Variants in RASA1 observed in about 807,000 individuals in gnomAD.
RASA1 encodes RAS p21 protein activator 1.
In RASA1, 25 loss-of-function variants were observed where a neutral mutation model predicts 132.2. That is an observed-to-expected ratio of 0.19 (90% CI 0.14 to 0.26). The LOEUF is 0.26. RASA1 is among the 10% of genes least tolerant of loss of function. The pLI, the probability that RASA1 is intolerant of heterozygous loss-of-function variation, is 1.00. For synonymous variants in RASA1, 477 were observed against 449.9 expected (o/e 1.06, Z -0.76); for missense variants, 964 against 1,299.2 (o/e 0.74, Z 3.97).
At chr5:87,358,413 G>A (rs1385140449) in intron 9 of RASA1, among the ~76,000 whole-genome samples, 2 of 152,202 alleles carry the variant, frequency 1.3e-5, no homozygotes, top group African/African-American at 2.4e-5. Flanking sequence ...ACTGAGAGCT[G>A]AGAGGTTAAT....
intron 10 of RASA1, 70 bp downstream of exon 10, chr5:87,362,741 TG>T (rs2112457917): frequency 6.6e-7 from 1 of 1,506,412 alleles, no homozygotes; most frequent in African/African-American, 1.4e-5. Context: ...GAACTTATTG[TG>T]ATATATATTT....
At position 87,268,394 on chromosome 5, in the gene RASA1, T is replaced by C; in HGVS notation, c.-58T>C. 6.8e-7 allele frequency: 1 copy of C among 1,466,880 alleles called. No individual in the cohort carries two copies. The highest frequency in any genetic ancestry group is 1.4e-5 in the South Asian group (1 of 70,772). The allele number at this position is 1,466,880 out of a possible 1,614,324, so 90.9% of individuals were successfully genotyped here. ...GGTGGGGCTGCTCGGAGCCCGGGCC[T>C]GGTGGCCCCTGGGGCTCCCGGGCGG... On this transcript the variant is annotated 5_prime_UTR_variant, in exon 1 of 25. Coordinates refer to ENST00000274376, the MANE Select transcript of RASA1 (RefSeq NM_002890.3).
At chr5:87,331,119 T>C (rs1432999211) in intron 1 of RASA1, 24 of 852,020 alleles carry the variant, frequency 2.8e-5, no homozygotes, top group Non-Finnish European at 4.1e-5. Context: ...GATTTATATA[T>C]GAGATGACTA....
At chr5:87,332,674 C>G (rs746241745) in intron 3 of RASA1, 32 bp downstream of exon 3, 2 of 1,581,430 alleles carry the variant, frequency 1.3e-6, no homozygotes, top group Non-Finnish European at 1.7e-6. Context: ...TCTTTCAAAA[C>G]TTTATTTTTT....
intron 21 of RASA1, among the ~76,000 whole-genome samples, chr5:87,384,540 T>G (rs2112511084): frequency 6.6e-6 from 1 of 152,286 alleles, no homozygotes; most frequent in South Asian, 2.1e-4. Flanking sequence ...TTATTGCTAC[T>G]AAAGTGGTTA....
intron 1 of RASA1, among the ~76,000 whole-genome samples, chr5:87,285,567 T>G (rs1296290417): frequency 7.9e-5 from 12 of 151,996 alleles, no homozygotes; most frequent in Admixed American, 7.9e-4. Context: ...CTTCTTAACT[T>G]TTTATTTAAA....
At chr5:87,336,532 TAGG>T (rs1207065866) in intron 4 of RASA1, among the ~76,000 whole-genome samples, 1 of 152,106 alleles carries the variant, frequency 6.6e-6, no homozygotes, top group Non-Finnish European at 1.5e-5. Flanking sequence ...TAGCCTGTTT[TAGG>T]GGGGATAACA....
intron 10 of RASA1, 66 bp downstream of exon 10, chr5:87,362,737 A>G (rs2112457882): frequency 1.3e-6 from 2 of 1,518,720 alleles, no homozygotes; most frequent in East Asian, 2.3e-5. Context: ...CTCCGAACTT[A>G]TTGTGATATA....
Position 87,318,043 on chromosome 5 carries a change from G to C in RASA1, c.540-13305G>C, listed in dbSNP as rs542712020. Among the ~76,000 whole-genome samples the C allele has an allele frequency of 3.4e-3, 514 of 152,076 alleles. 2 individuals carry two copies. The highest frequency in any genetic ancestry group is 4.8e-3 in the Admixed American group (74 of 15,260). On this transcript the variant is annotated intron_variant, in intron 1 of 24. Coordinates refer to ENST00000274376, the MANE Select transcript of RASA1 (RefSeq NM_002890.3). ...AGTTGTAATGAAACAGTTTTCTAAA[G>C]GATATTTAGAGTAATGGTACTACCA...
chr5:87,362,373 G>A lies in RASA1; in HGVS notation c.1333-178G>A, dbSNP rs189262645. The stretch of plus-strand genomic sequence containing the variant: ...GTGAACTTTGTTGTCGGTGTTCTTC[G>A]AAATTATAAGGAAGCATTTCTGAGA... On this transcript the variant is annotated intron_variant, in intron 9 of 24. Transcript: ENST00000274376. Among the ~76,000 whole-genome samples the A allele has an allele frequency of 3.8e-3, 581 of 152,242 alleles. 3 individuals carry two copies. Among genetic ancestry groups the A allele is most frequent in the Non-Finnish European group, 5.6e-3 (382 of 68,006 alleles).
Position 87,383,796 on chromosome 5 carries a change from T to C in RASA1, c.2758+16T>C. On this transcript the variant is annotated intron_variant, in intron 21 of 24. Transcript: ENST00000274376. ...ATCATCTCAGGTAATCAGCTTTTGA[T>C]ACATTTTGAAATTCAAAATATTAGA... The C allele has an allele frequency of 6.3e-7, 1 of 1,595,170 alleles. No individual in the cohort carries two copies. The highest frequency in any genetic ancestry group is 2.2e-5 in the East Asian group (1 of 44,688).
At chr5:87,304,939 C>CTTTTTTTTTTTTTTTTTTTTTTTTTTTT (rs756572506) in intron 1 of RASA1, among the ~76,000 whole-genome samples, 1 of 64,412 alleles carries the variant, frequency 1.6e-5, no homozygotes, top group Non-Finnish European at 3.3e-5. Context: ...TCTTTTAGTC[C>CTTTTTTTTTTTTTTTTTTTTTTTTTTTT]TTTTTTTTTT....
At chr5:87,363,923 T>C (rs1302232842) in intron 11 of RASA1, among the ~76,000 whole-genome samples, 2 of 152,112 alleles carry the variant, frequency 1.3e-5, no homozygotes, top group Non-Finnish European at 2.9e-5. Flanking sequence ...ATTGTCTTGA[T>C]AGGAAAAATG....
chr5:87,286,579 T>C (rs909428680), intron 1 of RASA1, among the ~76,000 whole-genome samples: 3 of 152,084 alleles, frequency 2.0e-5, no homozygotes, highest in South Asian at 2.1e-4. Context: ...AATTCTGTTA[T>C]ACTCTACTTA....
At chr5:87,374,459 ATT>A (rs770426797) in intron 14 of RASA1, 139 bp downstream of exon 14, 2,116 of 166,326 alleles carry the variant, frequency 0.013, 6 homozygotes, top group Middle Eastern at 0.038. Flanking sequence ...ATATATATAT[ATT>A]TTTTTTTTTT....
chr5:87,279,159 C>G (rs1754203259), intron 1 of RASA1, among the ~76,000 whole-genome samples: 2 of 152,138 alleles, frequency 1.3e-5, no homozygotes, highest in African/African-American at 4.8e-5. Context: ...GGGAGGATCA[C>G]CTGAGCCTAT....
chr5:87,338,760 G>A (rs573155020), intron 5 of RASA1, among the ~76,000 whole-genome samples: 2 of 150,726 alleles, frequency 1.3e-5, no homozygotes, highest in Non-Finnish European at 3.0e-5. Flanking sequence ...ACCTCAACTG[G>A]TTACACATGT....
At chr5:87,354,715 TGAAAGCCAAAATAG>T (rs1418168716) in intron 9 of RASA1, among the ~76,000 whole-genome samples, 1 of 152,154 alleles carries the variant, frequency 6.6e-6, no homozygotes, top group African/African-American at 2.4e-5. Flanking sequence ...GGAGGCATGG[TGAAAGCCAAAATAG>T]GCTGAAAGCT....
At chr5:87,389,683 C>A (rs556594532) in intron 24 of RASA1, among the ~76,000 whole-genome samples, 156 bp downstream of exon 24, 1 of 152,140 alleles carries the variant, frequency 6.6e-6, no homozygotes, top group Non-Finnish European at 1.5e-5. Context: ...ACAGAAATAA[C>A]GGGCCCCGAC....
Sources: allele counts gnomAD v4.1 joint callset (sites outside exome capture counted in the v4.1 genomes callset), GRCh38; gene constraint gnomAD v4.1.1; transcripts MANE v1.5; gene names NCBI Gene and HGNC (gene_info 2026-07-23, HGNC 2026-07-21).